The following ZNF804B variants were observed in gnomAD, a reference collection of about 807,000 sequenced individuals.
The protein encoded by ZNF804B is zinc finger protein 804B, also known as zinc finger 804B.
In ZNF804B, 80 loss-of-function variants were observed where a neutral mutation model predicts 101.4. The ratio of observed to expected loss-of-function variants is 0.79; its 90% CI spans 0.66 to 0.95. ZNF804B has a LOEUF of 0.95. Ranked by LOEUF, ZNF804B falls within the 40% of genes least tolerant of loss-of-function variation. ZNF804B has a pLI of 0.00. For synonymous variants in ZNF804B, 622 were observed against 558.8 expected (o/e 1.11, Z -1.59); for missense variants, 1,673 against 1,561.9 (o/e 1.07, Z -1.20).
intron 1 of ZNF804B, among the ~76,000 whole-genome samples, chr7:88,867,076 G>GA (rs1791737823): frequency 6.6e-6 from 1 of 152,156 alleles, no homozygotes; most frequent in South Asian, 2.1e-4. Flanking sequence ...AGAAACATGA[G>GA]AAAAATAATA....
chr7:88,981,513 C>T (rs934155944), intron 1 of ZNF804B, among the ~76,000 whole-genome samples: 3 of 152,068 alleles, frequency 2.0e-5, no homozygotes, highest in African/African-American at 7.2e-5. Flanking sequence ...TGGTCTCTCA[C>T]TGGGTTGCAT....
intron 2 of ZNF804B, among the ~76,000 whole-genome samples, chr7:89,232,689 A>C (rs536894552): frequency 6.6e-6 from 1 of 152,252 alleles, no homozygotes; most frequent in Non-Finnish European, 1.5e-5. Flanking sequence ...ATTTTATCAT[A>C]ATACTTTTAA....
intron 2 of ZNF804B, among the ~76,000 whole-genome samples, chr7:89,241,544 G>C (rs1241935502): frequency 6.6e-6 from 1 of 152,114 alleles, no homozygotes; most frequent in Non-Finnish European, 1.5e-5. Flanking sequence ...TGCAGAACCT[G>C]ATTCATAATA....
chr7:89,216,090 G>C (rs964911026), intron 1 of ZNF804B, among the ~76,000 whole-genome samples: 58 of 152,084 alleles, frequency 3.8e-4, no homozygotes, highest in Non-Finnish European at 2.9e-4. Flanking sequence ...GATCATCTGA[G>C]GTGAGGAGTT....
In ZNF804B at chr7:89,281,441, AT is replaced by A. The variant is rs1177611558; in HGVS notation, c.250-45900del. 2.0e-5 allele frequency among the ~76,000 whole-genome samples: 3 copies of A among 152,342 alleles called. No homozygotes were observed. In the East Asian group the frequency reaches 5.8e-4, roughly 29 times the overall value. On this transcript the variant is annotated intron_variant, in intron 2 of 3. Coordinates refer to ENST00000333190, the MANE Select transcript of ZNF804B (RefSeq NM_181646.5). ...ATATGTCTGATATTAACATGAATTTATTTCAACCAGAATAATTTAGGATGAT... is the reference window on the plus strand; with the variant it reads ...ATATGTCTGATATTAACATGAATTTATTCAACCAGAATAATTTAGGATGAT...
At chr7:88,819,119 T>A (rs1456192926) in intron 1 of ZNF804B, among the ~76,000 whole-genome samples, 1 of 152,112 alleles carries the variant, frequency 6.6e-6, no homozygotes, top group Non-Finnish European at 1.5e-5. Flanking sequence ...ACATTTTCTT[T>A]TTTTTGTTTT....
intron 2 of ZNF804B, among the ~76,000 whole-genome samples, chr7:89,247,165 T>C (rs569372523): frequency 6.6e-4 from 100 of 152,310 alleles, no homozygotes; most frequent in African/African-American, 2.2e-3. Context: ...TCTGGGCACT[T>C]GGTGGCTGCC....
chr7:89,062,518 AT>A (rs900409664), intron 1 of ZNF804B, among the ~76,000 whole-genome samples: 2 of 151,918 alleles, frequency 1.3e-5, no homozygotes, highest in Non-Finnish European at 2.9e-5. Context: ...ATATATTGAT[AT>A]TTTTTTCTCA....
Position 89,337,409 on chromosome 7 carries a change from GTGAA to G in ZNF804B, c.*385_*388del, listed in dbSNP as rs1332843565. On this transcript the variant is annotated 3_prime_UTR_variant, in exon 4 of 4. Transcript: ENST00000333190. The stretch of plus-strand genomic sequence containing the variant: ...ACCCTGCGTTCTAAGTATTTGTTGT[GTGAA>G]TGAATGAGTGTTGATTTGGCTTATT... 6.6e-6 allele frequency among the ~76,000 whole-genome samples: 1 copy of G among 152,098 alleles called. No homozygotes were observed. Among genetic ancestry groups the G allele is most frequent in the Non-Finnish European group, 1.5e-5 (1 of 67,994 alleles).
intron 1 of ZNF804B, among the ~76,000 whole-genome samples, chr7:88,821,872 C>T (rs187381901): frequency 4.0e-4 from 61 of 152,148 alleles, no homozygotes; most frequent in Middle Eastern, 3.4e-3. Context: ...ATGCTATTTG[C>T]GCTCTATTTG....
intron 2 of ZNF804B, among the ~76,000 whole-genome samples, chr7:89,322,039 G>A (rs1737512475): frequency 6.6e-6 from 1 of 152,138 alleles, no homozygotes; most frequent in African/African-American, 2.4e-5. Flanking sequence ...TGCATCTGAT[G>A]CGAAAGTTCT....
chr7:89,053,746 T>A (rs982899442), intron 1 of ZNF804B, among the ~76,000 whole-genome samples: 5 of 151,890 alleles, frequency 3.3e-5, no homozygotes, highest in Non-Finnish European at 5.9e-5. Context: ...CTCTCTGGTT[T>A]AATATAATTG....
intron 2 of ZNF804B, among the ~76,000 whole-genome samples, chr7:89,280,656 A>G (rs951471333): frequency 6.6e-6 from 1 of 152,188 alleles, no homozygotes; most frequent in South Asian, 2.1e-4. Context: ...AAAATCTAGA[A>G]GAAATGGATA....
At chr7:88,850,698 T>C (rs947291250) in intron 1 of ZNF804B, among the ~76,000 whole-genome samples, 4 of 152,064 alleles carry the variant, frequency 2.6e-5, no homozygotes, top group African/African-American at 9.7e-5. Flanking sequence ...AGATCAATAA[T>C]ATTTATAGAA....
intron 1 of ZNF804B, chr7:88,794,105 G>A: frequency 8.2e-7 from 1 of 1,225,238 alleles, no homozygotes; most frequent in Non-Finnish European, 1.1e-6. Context: ...AAAGACACCA[G>A]TAACTTTAAA....
At chr7:89,251,746 A>C (rs1789544462) in intron 2 of ZNF804B, among the ~76,000 whole-genome samples, 1 of 152,190 alleles carries the variant, frequency 6.6e-6, no homozygotes, top group Admixed American at 6.5e-5. Flanking sequence ...GAACCCAGAA[A>C]TGAAGCTGCA....
In ZNF804B at chr7:89,333,654, C is replaced by T. The variant is rs1389724305; in HGVS notation, c.672C>T (p.Ser224=). 1 of 1,613,150 alleles carries T rather than the reference C, an allele frequency of 6.2e-7. No individual in the cohort carries two copies. Among genetic ancestry groups the T allele is most frequent in the East Asian group, 2.2e-5 (1 of 44,848 alleles). ...NHRTGVSFTF[S]KKVHLKLESS... is the part of the protein sequence containing the mutation. ...GAACAGGAGTATCATTTACTTTTTC[C>T]AAAAAAGTGCACCTAAAATTAGAAT... The change falls in exon 4 of 4, where the codon TCC becomes TCT. Residue 224 remains serine (S), a synonymous_variant. Coordinates refer to ENST00000333190, the MANE Select transcript of ZNF804B (RefSeq NM_181646.5).
At chr7:89,052,174 G>A (rs937923281) in intron 1 of ZNF804B, among the ~76,000 whole-genome samples, 7 of 151,858 alleles carry the variant, frequency 4.6e-5, no homozygotes, top group Admixed American at 2.0e-4. Context: ...GTCTCAGTCC[G>A]TCACCAAGGC....
intron 1 of ZNF804B, among the ~76,000 whole-genome samples, chr7:88,852,168 G>A (rs1276702764): frequency 1.3e-5 from 2 of 152,068 alleles, no homozygotes; most frequent in Non-Finnish European, 1.5e-5. Flanking sequence ...TGCAGACAGG[G>A]CAAAGTTGAA....
Sources: gnomAD v4.1 joint callset for allele counts (sites outside exome capture counted in the v4.1 genomes callset) on GRCh38, gnomAD v4.1.1 for gene constraint, MANE v1.5 for transcripts, NCBI Gene and HGNC (gene_info 2026-07-23, HGNC 2026-07-21) for gene names.